The following KRT78 variants were observed in gnomAD, a reference collection of about 807,000 sequenced individuals.
The protein encoded by KRT78 is keratin, type II cytoskeletal 78.
A neutral mutation model predicts 51.4 loss-of-function variants in KRT78; 55 were observed. The observed-to-expected ratio is 1.07, with a 90% CI of 0.86 to 1.34. The LOEUF is 1.34. KRT78 is among the 40% of genes most tolerant of loss of function. The pLI, the probability that KRT78 is intolerant of heterozygous loss-of-function variation, is 0.00. For synonymous variants in KRT78, 291 were observed against 264.3 expected (o/e 1.10, Z -0.98); for missense variants, 652 against 649.4 (o/e 1.00, Z -0.04).
intron 4 of KRT78, 142 bp from the exon 5 acceptor site, chr12:52,844,865 C>T: frequency 1.5e-6 from 1 of 655,176 alleles, no homozygotes; most frequent in East Asian, 2.9e-5. Flanking sequence ...ATGCCCTGCT[C>T]ACCATGGGAC....
At chr12:52,842,707 C>T (rs1264325813) in intron 6 of KRT78, among the ~76,000 whole-genome samples, 3 of 151,954 alleles carry the variant, frequency 2.0e-5, no homozygotes, top group African/African-American at 7.3e-5. Context: ...CACCTGATGT[C>T]AGGAGTTCGA....
At chr12:52,847,741 A>C (rs571322254) in intron 2 of KRT78, among the ~76,000 whole-genome samples, 166 bp downstream of exon 2, 1 of 152,234 alleles carries the variant, frequency 6.6e-6, no homozygotes, top group African/African-American at 2.4e-5. Context: ...TACCTGTAGC[A>C]GGTGGGCACC....
intron 4 of KRT78, 43 bp downstream of exon 4, chr12:52,846,154 G>A (rs980221738): frequency 1.4e-6 from 2 of 1,410,938 alleles, no homozygotes; most frequent in Admixed American, 3.4e-5. Context: ...TGCCCACCCA[G>A]TCCTCTCTCT....
rs147027438 is a variant in KRT78 at position 52,848,525 on chromosome 12, G to T, written c.384+22C>A. ...CTCCAAGGGAGGCACAGAGACAGGG[G>T]CTTGGCTGAGTTGACCCTCACCTTG... On this transcript the variant is annotated intron_variant, in intron 1 of 8. Coordinates refer to ENST00000304620, the MANE Select transcript of KRT78 (RefSeq NM_173352.4). 15 of 1,611,886 alleles carry T rather than the reference G, an allele frequency of 9.3e-6. No individual in the cohort carries two copies. In the African/African-American group the frequency reaches 1.7e-4, roughly 19 times the overall value.
At chr12:52,842,134 C>T (rs1398601751) in intron 6 of KRT78, among the ~76,000 whole-genome samples, 4 of 152,186 alleles carry the variant, frequency 2.6e-5, no homozygotes, top group African/African-American at 9.7e-5. Context: ...AGCCCTGCTT[C>T]TCATTGCAAA....
At chr12:52,846,673 G>A in intron 3 of KRT78, 91 bp downstream of exon 3, 1 of 1,145,552 alleles carries the variant, frequency 8.7e-7, no homozygotes, top group Admixed American at 1.9e-5. Context: ...CCTAAATCAG[G>A]ACCTCCCACC....
chr12:52,840,893 G>T (rs1940480173), intron 6 of KRT78, among the ~76,000 whole-genome samples: 3 of 152,282 alleles, frequency 2.0e-5, no homozygotes, highest in African/African-American at 7.2e-5. Flanking sequence ...GACTGGGAGA[G>T]ATTACATTTC....
In KRT78 at chr12:52,848,680, T is replaced by C. The variant is rs998629781; in HGVS notation, c.251A>G (p.Gln84Arg). The C allele has an allele frequency of 3.1e-6, 5 of 1,613,612 alleles. No individual in the cohort carries two copies. The African/African-American group carries it at 5.3e-5, about 17-fold the overall frequency. ...CAGATTCTGGTTGATGGTCACTTCTTGGATGCCCCCCGGAGGGCACAGGGA... is the reference window on the plus strand; with the variant it reads ...CAGATTCTGGTTGATGGTCACTTCTCGGATGCCCCCCGGAGGGCACAGGGA... ...GLSLCPPGGI[Q>R]EVTINQNLLT... is the part of the protein sequence containing the mutation. Residue 84 changes from glutamine to arginine, a missense_variant, in exon 1 of 9, where the codon CAA becomes CGA. Coordinates refer to ENST00000304620, the MANE Select transcript of KRT78 (RefSeq NM_173352.4).
intron 4 of KRT78, among the ~76,000 whole-genome samples, chr12:52,845,580 T>C (rs965955091): frequency 6.6e-5 from 10 of 152,242 alleles, no homozygotes; most frequent in African/African-American, 1.7e-4. Flanking sequence ...TTTTCCTTTT[T>C]TCCATTGCGT....
At chr12:52,840,317 A>G (rs1004479187) in intron 6 of KRT78, among the ~76,000 whole-genome samples, 4 of 152,148 alleles carry the variant, frequency 2.6e-5, no homozygotes, top group Non-Finnish European at 5.9e-5. Context: ...ATATCGTACC[A>G]TATTTAGGGT....
rs763891910 is a variant in KRT78 at position 52,839,450 on chromosome 12, C to CA, written c.1303+2dup. ...CCCATCCCTAAAGTCCCCTGATACTCACAGATAGTGACCTGGCTGGTGCAC... is the reference window on the plus strand; with the variant it reads ...CCCATCCCTAAAGTCCCCTGATACTCAACAGATAGTGACCTGGCTGGTGCAC... On this transcript the variant is annotated splice_region_variant and intron_variant, in intron 8 of 8. Coordinates refer to ENST00000304620, the MANE Select transcript of KRT78 (RefSeq NM_173352.4). 3.1e-6 allele frequency: 5 copies of CA among 1,608,992 alleles called. No homozygotes were observed.
At position 52,844,219 on chromosome 12, in the gene KRT78, C is replaced by T; in HGVS notation, c.922-1G>A. On this transcript the variant is annotated splice_acceptor_variant, in intron 5 of 8. Coordinates refer to ENST00000304620, the MANE Select transcript of KRT78 (RefSeq NM_173352.4). LOFTEE classifies it high-confidence loss of function. ...GGGCAGACACCTGAAGTTCCTGGTA[C>T]TGAGAGGGGAACAGAGGGGACACCA... 6.3e-7 allele frequency: 1 copy of T among 1,595,862 alleles called. No individual in the cohort carries two copies. Among genetic ancestry groups the T allele is most frequent in the African/African-American group, 1.4e-5 (1 of 73,428 alleles).
At chr12:52,844,022 G>A in intron 6 of KRT78, 71 bp downstream of exon 6, 1 of 1,578,570 alleles carries the variant, frequency 6.3e-7, no homozygotes. Flanking sequence ...GGAGAGAGAA[G>A]CTAGGAACTG....
At position 52,839,480 on chromosome 12, in the gene KRT78, C is replaced by A. The variant is rs765515095; in HGVS notation, c.1276G>T (p.Gly426Trp). ...ATAGTGACCTGGCTGGTGCACTCCC[C>A]AGACATCCTAGGGGGAAAAGGACAA... The part of the protein sequence containing the change: ...LLEGEECRMS[G>W]ECTSQVTISS... Residue 426 changes from glycine to tryptophan, a missense_variant, in exon 8 of 9, where the codon GGG (glycine) becomes TGG (tryptophan). Gly to Trp is a radical substitution (Grantham distance 184). Coordinates refer to ENST00000304620, the MANE Select transcript of KRT78 (RefSeq NM_173352.4). 3 of 1,598,314 alleles carry A rather than the reference C, an allele frequency of 1.9e-6. No individual in the cohort carries two copies. Among genetic ancestry groups the A allele is most frequent in the Non-Finnish European group, 2.6e-6 (3 of 1,172,786 alleles).
At position 52,844,231 on chromosome 12, in the gene KRT78, C is replaced by T. The variant is rs753304218; in HGVS notation, c.922-13G>A. The T allele has an allele frequency of 6.3e-7, 1 of 1,583,104 alleles. No homozygotes were observed. The highest frequency in any genetic ancestry group is 8.5e-7 in the Non-Finnish European group (1 of 1,170,522). Reference sequence around the variant, plus strand: ...GAAGTTCCTGGTACTGAGAGGGGAACAGAGGGGACACCATTAGTTGAGAGG... The same window carrying T: ...GAAGTTCCTGGTACTGAGAGGGGAATAGAGGGGACACCATTAGTTGAGAGG... On this transcript the variant is annotated splice_polypyrimidine_tract_variant and intron_variant, in intron 5 of 8. Coordinates refer to ENST00000304620, the MANE Select transcript of KRT78 (RefSeq NM_173352.4).
chr12:52,846,389 T>C, intron 3 of KRT78, 97 bp from the exon 4 acceptor site: 3 of 792,470 alleles, frequency 3.8e-6, no homozygotes, highest in Non-Finnish European at 6.8e-6. Flanking sequence ...TCAACACCCA[T>C]CCACCATGCC....
chr12:52,842,155 G>C (rs1592144273), intron 6 of KRT78, among the ~76,000 whole-genome samples: 1 of 136,166 alleles, frequency 7.3e-6, no homozygotes, highest in East Asian at 2.6e-4. Context: ...CAAGAACCAG[G>C]AGGATGGTTC....
intron 6 of KRT78, among the ~76,000 whole-genome samples, chr12:52,842,396 C>A (rs1011603011): frequency 6.6e-6 from 1 of 152,158 alleles, no homozygotes. Context: ...GGTCTCTACA[C>A]CGCAGGAGGA....
At chr12:52,844,356 C>T in intron 5 of KRT78, 138 bp from the exon 6 acceptor site, 1 of 1,205,456 alleles carries the variant, frequency 8.3e-7, no homozygotes, top group Non-Finnish European at 1.2e-6. Flanking sequence ...GTGGGATATA[C>T]TTCCAGAAGT....
Sources: allele counts gnomAD v4.1 joint callset (sites outside exome capture counted in the v4.1 genomes callset), GRCh38; gene constraint gnomAD v4.1.1; transcripts MANE v1.5; gene names NCBI Gene and HGNC (gene_info 2026-07-23, HGNC 2026-07-21).